MACROD2: variants seen among roughly 807,000 people sequenced by gnomAD.
MACROD2 encodes ADP-ribose glycohydrolase MACROD2.
Under a neutral mutation model 70.4 loss-of-function variants are expected in MACROD2, and 36 were observed. The ratio of observed to expected loss-of-function variants is 0.51; its 90% CI spans 0.39 to 0.68. The LOEUF is 0.68. MACROD2 is among the 30% of genes least tolerant of loss of function. MACROD2 has a pLI of 0.00. For synonymous variants in MACROD2, 172 were observed against 178.8 expected (o/e 0.96, Z 0.30); for missense variants, 496 against 538.4 (o/e 0.92, Z 0.78).
chr20:15,036,260 T>C (rs17355703), intron 5 of MACROD2, among the ~76,000 whole-genome samples: 6 of 152,078 alleles, frequency 3.9e-5, no homozygotes, highest in African/African-American at 1.4e-4. Flanking sequence ...AGAACACTTG[T>C]AGAACTTGGA....
At chr20:14,808,555 TAATG>T (rs1369531299) in intron 5 of MACROD2, among the ~76,000 whole-genome samples, 1 of 152,116 alleles carries the variant, frequency 6.6e-6, no homozygotes, top group East Asian at 1.9e-4. Flanking sequence ...GCTAGCATGA[TAATG>T]ACAGGATCAA....
chr20:15,471,319 A>G (rs2046961897), intron 7 of MACROD2, among the ~76,000 whole-genome samples: 1 of 152,184 alleles, frequency 6.6e-6, no homozygotes, highest in Admixed American at 6.5e-5. Flanking sequence ...CCTTCCCTGC[A>G]TTCAATCCCA....
chr20:14,142,735 C>G (rs1422280668), intron 3 of MACROD2, among the ~76,000 whole-genome samples: 1 of 152,136 alleles, frequency 6.6e-6, no homozygotes, highest in Non-Finnish European at 1.5e-5. Context: ...ATTAAAAATG[C>G]ACATAGGCTT....
chr20:15,754,476 A>G (rs1163332604), intron 8 of MACROD2, among the ~76,000 whole-genome samples: 82 of 152,072 alleles, frequency 5.4e-4, no homozygotes, highest in Admixed American at 5.4e-3. Context: ...TACAAAAATT[A>G]GCTGGGTGTG....
At chr20:14,700,851 A>C (rs1019160381) in intron 5 of MACROD2, among the ~76,000 whole-genome samples, 1 of 152,128 alleles carries the variant, frequency 6.6e-6, no homozygotes, top group African/African-American at 2.4e-5. Flanking sequence ...GAGCTGGCTC[A>C]CCAGAGTAAT....
chr20:14,604,144 C>T (rs893224418), intron 4 of MACROD2, among the ~76,000 whole-genome samples: 2 of 152,144 alleles, frequency 1.3e-5, no homozygotes, highest in East Asian at 3.9e-4. Flanking sequence ...CAATTATATA[C>T]CAGAACAGCA....
chr20:14,486,550 A>ATTTTTT, intron 3 of MACROD2, among the ~76,000 whole-genome samples: 1 of 98,472 alleles, frequency 1.0e-5, no homozygotes, highest in Non-Finnish European at 1.9e-5. Flanking sequence ...ACAGAGTTTC[A>ATTTTTT]TTCTTGTCGC....
intron 4 of MACROD2, among the ~76,000 whole-genome samples, chr20:14,577,760 C>T (rs549024114): frequency 1.6e-4 from 14 of 86,066 alleles, no homozygotes; most frequent in East Asian, 1.2e-3. Context: ...CCAGCCTGGG[C>T]GACAGAGCAA....
rs77753424 is a variant in MACROD2 at position 16,038,084 on chromosome 20, C to T, written c.1154-3117C>T. On this transcript the variant is annotated intron_variant, in intron 15 of 17. Transcript: ENST00000684519. ...CACTTCAAAGATGTCATTGCATCAT[C>T]TCTGGCTTCCATTATTTTTGTTATG... 7.6e-3 allele frequency among the ~76,000 whole-genome samples: 1,147 copies of T among 151,518 alleles called. 20 individuals are homozygous for T. The highest frequency in any genetic ancestry group is 0.025 in the African/African-American group (1,025 of 41,342).
chr20:15,913,315 G>A (rs1227104877), intron 10 of MACROD2, among the ~76,000 whole-genome samples: 1 of 152,116 alleles, frequency 6.6e-6, no homozygotes, highest in African/African-American at 2.4e-5. Context: ...AGGCTGGAGA[G>A]AGTTTTGCTA....
intron 11 of MACROD2, among the ~76,000 whole-genome samples, chr20:15,936,008 A>C (rs980473333): frequency 6.6e-6 from 1 of 152,136 alleles, no homozygotes; most frequent in Non-Finnish European, 1.5e-5. Context: ...CCTGCAAGTA[A>C]TAGTACATGC....
chr20:14,680,349 G>A (rs771551798), intron 4 of MACROD2, among the ~76,000 whole-genome samples: 2 of 152,162 alleles, frequency 1.3e-5, no homozygotes, highest in Non-Finnish European at 2.9e-5. Context: ...TGGAATTTTA[G>A]TTCTCCCCAA....
intron 6 of MACROD2, among the ~76,000 whole-genome samples, chr20:15,378,229 T>C (rs1201981175): frequency 3.4e-5 from 5 of 148,622 alleles, no homozygotes; most frequent in Admixed American, 1.4e-4. Context: ...GTTTTCAACC[T>C]TGGTATGAGA....
chr20:15,076,340 A>G (rs2075657933), intron 5 of MACROD2, among the ~76,000 whole-genome samples: 1 of 152,170 alleles, frequency 6.6e-6, no homozygotes, highest in Non-Finnish European at 1.5e-5. Flanking sequence ...ACTGGTATAA[A>G]TATCTTTATA....
chr20:15,676,185 A>T (rs1242917317), intron 8 of MACROD2, among the ~76,000 whole-genome samples: 1 of 152,146 alleles, frequency 6.6e-6, no homozygotes, highest in Non-Finnish European at 1.5e-5. Context: ...CTCTTTCTTT[A>T]TTAAAGGAAT....
rs6042672 is a variant in MACROD2 at position 14,326,250 on chromosome 20, G to A, written c.272-167229G>A. 440,477 of 1,613,644 alleles carry A rather than the reference G, an allele frequency of 0.27. 62,728 individuals carry two copies. The highest frequency in any genetic ancestry group is 0.43 in the African/African-American group (32,445 of 74,926). On this transcript the variant is annotated intron_variant, in intron 3 of 17. Transcript: ENST00000684519. This position sits in a 1 kb window ranked among gnomAD's most constrained non-coding sequence, Gnocchi z 5.5. The stretch of plus-strand genomic sequence containing the variant: ...TCCAAGAGATATGAATGGTATCAGA[G>A]GTGACAGACTTCACAGTAATTGTAA...
intron 15 of MACROD2, among the ~76,000 whole-genome samples, chr20:16,010,871 A>G (rs1457376702): frequency 6.6e-6 from 1 of 152,214 alleles, no homozygotes; most frequent in Non-Finnish European, 1.5e-5. Flanking sequence ...ATAATCATAT[A>G]TGGTCTATTC....
intron 5 of MACROD2, among the ~76,000 whole-genome samples, chr20:15,221,596 G>A (rs2076861939): frequency 6.6e-6 from 1 of 152,206 alleles, no homozygotes; most frequent in Non-Finnish European, 1.5e-5. Context: ...ATTTGAAACA[G>A]GATACAGTCC....
In MACROD2 at chr20:14,089,094, G is replaced by C. The variant is rs1225498595; in HGVS notation, c.271+3366G>C. Among the ~76,000 whole-genome samples, 5 of 152,170 alleles carry C rather than the reference G, an allele frequency of 3.3e-5. No homozygotes were observed. The East Asian group carries it at 9.6e-4, about 29-fold the overall frequency. On this transcript the variant is annotated intron_variant, in intron 3 of 17. Coordinates refer to ENST00000684519, the MANE Select transcript of MACROD2 (RefSeq NM_001351661.2). ...GGTATGATGAATTTATATGAAGACA[G>C]GCAGCAACTTTTGCTTACTCCCAAA... is the stretch of plus-strand genomic sequence containing the variant.
Sources: gnomAD v4.1 joint callset for allele counts (sites outside exome capture counted in the v4.1 genomes callset) on GRCh38, gnomAD v4.1.1 for gene constraint, Gnocchi (gnomAD v3.1) non-coding constraint, MANE v1.5 for transcripts, NCBI Gene and HGNC (gene_info 2026-07-23, HGNC 2026-07-21) for gene names.